SPATA13: variants seen among roughly 807,000 people sequenced by gnomAD.
SPATA13 encodes spermatogenesis associated 13, also known as spermatogenesis-associated protein 13.
In SPATA13, 50 loss-of-function variants were observed where a neutral mutation model predicts 104.0. That is an observed-to-expected ratio of 0.48 (90% CI 0.38 to 0.61). SPATA13 has a LOEUF of 0.61. SPATA13 is among the 20% of genes least tolerant of loss of function. The probability of loss-of-function intolerance (pLI) is 0.00; values close to 1 mark genes in which losing one functional copy is unlikely to be tolerated. For missense variants in SPATA13, 1,524 were observed against 1,690.6 expected (o/e 0.90, Z 1.73); for synonymous variants, 606 against 667.5 (o/e 0.91, Z 1.42).
At chr13:24,160,669 C>CGGGCTGGGGGCGTGGCCTGGTGGGGAGCG, upstream of SPATA13, 1 of 857,296 alleles carries the variant, frequency 1.2e-6, no homozygotes, top group Non-Finnish European at 1.3e-6. Context: ...GGGGAAGAGC[C>CGGGCTGGGGGCGTGGCCTGGTGGGGAGCG]GGGCTGGGGG....
intron 2 of SPATA13, among the ~76,000 whole-genome samples, chr13:23,988,460 A>C (rs1875256348): frequency 6.6e-6 from 1 of 152,208 alleles, no homozygotes; most frequent in African/African-American, 2.4e-5. Flanking sequence ...CCATGCTTCT[A>C]TGAATAACTG....
chr13:24,143,143 T>C (rs1043310043), intron 3 of SPATA13, among the ~76,000 whole-genome samples: 1 of 152,148 alleles, frequency 6.6e-6, no homozygotes, highest in Non-Finnish European at 1.5e-5. Flanking sequence ...CACCACTGGG[T>C]GAGGGTGCTC....
chr13:24,230,603 C>G (rs1208870704), intron 2 of SPATA13, among the ~76,000 whole-genome samples: 65 of 152,194 alleles, frequency 4.3e-4, no homozygotes, highest in Admixed American at 4.2e-3. Flanking sequence ...TGCCTGTAAA[C>G]TGTGGGTGAT....
intron 1 of SPATA13, among the ~76,000 whole-genome samples, chr13:24,196,736 G>C (rs9507274): frequency 0.47 from 71,692 of 151,580 alleles, 17,917 homozygotes; most frequent in Non-Finnish European, 0.56. Flanking sequence ...GAGACCCTAT[G>C]TCAAAACAAA....
At position 24,297,440 on chromosome 13, in the gene SPATA13, C is replaced by T; in HGVS notation, c.3288C>T (p.Ser1096=). The T allele has an allele frequency of 1.2e-6, 2 of 1,614,172 alleles. No individual in the cohort carries two copies. Among genetic ancestry groups the T allele is most frequent in the Middle Eastern group, 1.6e-4 (1 of 6,062 alleles). ...CCAAAATCACTAAGCAAGGCAAAAG[C>T]CAGCAGCGGACGTTCTTCCTGTTTG... is the stretch of plus-strand genomic sequence containing the variant. The part of the protein sequence containing the change: ...ELTKITKQGK[S]QQRTFFLFDH... Residue 1096 remains serine, a synonymous_variant, in exon 11 of 13, where the codon AGC becomes AGT. Transcript: ENST00000382108.
intron 3 of SPATA13, among the ~76,000 whole-genome samples, chr13:24,018,120 A>G (rs763890326): frequency 6.6e-6 from 1 of 152,222 alleles, no homozygotes; most frequent in Non-Finnish European, 1.5e-5. Flanking sequence ...ATTTTAAGAT[A>G]CTTTACTGTG....
At chr13:24,123,781 TC>T in intron 3 of SPATA13, 1 of 1,166,284 alleles carries the variant, frequency 8.6e-7, no homozygotes, top group Non-Finnish European at 1.3e-6. Context: ...TTTGGATTCT[TC>T]CAGGTGAGAG....
intron 1 of SPATA13, among the ~76,000 whole-genome samples, chr13:24,218,442 T>G (rs1157166834): frequency 6.6e-6 from 1 of 152,148 alleles, no homozygotes; most frequent in African/African-American, 2.4e-5. Flanking sequence ...GGTAGTAAGC[T>G]ACTCAGCCTC....
chr13:24,294,952 G>T, intron 10 of SPATA13, 84 bp downstream of exon 10: 4 of 1,403,806 alleles, frequency 2.8e-6, no homozygotes, highest in Non-Finnish European at 3.9e-6. Flanking sequence ...TTAATATCCT[G>T]TGGTCAATAT....
intron 2 of SPATA13, among the ~76,000 whole-genome samples, chr13:23,997,430 G>T (rs1239140214): frequency 1.3e-5 from 2 of 152,174 alleles, no homozygotes; most frequent in Admixed American, 6.5e-5. Flanking sequence ...TTATACAAAA[G>T]AAATCATATA....
intron 1 of SPATA13, among the ~76,000 whole-genome samples, chr13:24,213,159 G>C (rs1237556187): frequency 2.6e-5 from 4 of 152,248 alleles, no homozygotes; most frequent in Admixed American, 6.5e-5. Context: ...GGAACATTGT[G>C]GGGGTGAGAG....
At chr13:24,160,070 T>A (rs1882403660), upstream of SPATA13, among the ~76,000 whole-genome samples, 1 of 152,168 alleles carries the variant, frequency 6.6e-6, no homozygotes, top group Admixed American at 6.5e-5. Flanking sequence ...ACTCAAGACT[T>A]GCCCCAGGCC....
intron 1 of SPATA13, among the ~76,000 whole-genome samples, chr13:24,171,061 G>A (rs1466433217): frequency 2.0e-5 from 3 of 151,838 alleles, no homozygotes; most frequent in Admixed American, 6.6e-5. Context: ...GCAGTGATGA[G>A]TTTACAGAAG....
intron 3 of SPATA13, among the ~76,000 whole-genome samples, chr13:24,030,087 C>CACAT (rs879626986): frequency 8.1e-5 from 10 of 124,020 alleles, no homozygotes; most frequent in Non-Finnish European, 1.5e-4. Flanking sequence ...CACACACACA[C>CACAT]ACATACATAC....
At chr13:24,068,790 T>A (rs9551049) in intron 3 of SPATA13, among the ~76,000 whole-genome samples, 21,916 of 152,180 alleles carry the variant, frequency 0.14, 1,934 homozygotes, top group East Asian at 0.3. Context: ...CTTTTTCATA[T>A]GTTTGTTGGC....
intron 3 of SPATA13, 108 bp from the exon 4 acceptor site, chr13:24,251,610 A>G: frequency 1.3e-6 from 2 of 1,525,628 alleles, no homozygotes; most frequent in Non-Finnish European, 1.8e-6. Context: ...TGGAGAAACC[A>G]TTTCACGTCT....
chr13:24,115,507 C>T (rs1350984240), intron 3 of SPATA13, among the ~76,000 whole-genome samples: 1 of 152,242 alleles, frequency 6.6e-6, no homozygotes, highest in Admixed American at 6.5e-5. Flanking sequence ...GTTGCGTGCT[C>T]CTTATGAGAA....
At chr13:24,004,610 AACAG>A (rs1226934283) in intron 2 of SPATA13, among the ~76,000 whole-genome samples, 3 of 152,194 alleles carry the variant, frequency 2.0e-5, no homozygotes, top group African/African-American at 7.2e-5. Context: ...GGCTGTGGGC[AACAG>A]ACCCTGCCCC....
chr13:24,060,997 C>T (rs920880789), intron 3 of SPATA13, among the ~76,000 whole-genome samples: 2 of 152,168 alleles, frequency 1.3e-5, no homozygotes, highest in African/African-American at 4.8e-5. Context: ...TGAGAGCACA[C>T]CACTGCACTC....
Sources: gnomAD v4.1 joint callset for allele counts (sites outside exome capture counted in the v4.1 genomes callset) on GRCh38, gnomAD v4.1.1 for gene constraint, MANE v1.5 for transcripts, NCBI Gene and HGNC (gene_info 2026-07-23, HGNC 2026-07-21) for gene names.